The following TRMT11 variants were observed in gnomAD, a reference collection of about 807,000 sequenced individuals.
TRMT11 encodes tRNA methyltransferase 11.
In TRMT11, 53 loss-of-function variants were observed where a neutral mutation model predicts 62.8. The ratio of observed to expected loss-of-function variants is 0.84; its 90% CI spans 0.68 to 1.06. The LOEUF is 1.06. TRMT11 is among the 50% of genes least tolerant of loss of function. The pLI is 0.00. For synonymous variants in TRMT11, 188 were observed against 190.3 expected (o/e 0.99, Z 0.10); for missense variants, 556 against 553.4 (o/e 1.00, Z -0.05).
chr6:126,252,096 C>T, the TRMT11 span, among the ~76,000 whole-genome samples: 1 of 152,232 alleles, frequency 6.6e-6, no homozygotes, highest in African/African-American at 2.4e-5. Flanking sequence ...TTAATATGCT[C>T]ACAGATTCTG....
At chr6:126,167,284 A>G (rs1372148623) in intron 21 of TRMT11, among the ~76,000 whole-genome samples, 5 of 152,054 alleles carry the variant, frequency 3.3e-5, no homozygotes, top group Non-Finnish European at 7.4e-5. Flanking sequence ...GGTTGCGAAA[A>G]CCATGGGAAA....
chr6:126,166,634 G>A (rs1456716408), intron 21 of TRMT11, among the ~76,000 whole-genome samples: 1 of 152,222 alleles, frequency 6.6e-6, no homozygotes, highest in African/African-American at 2.4e-5. Flanking sequence ...CAGAGCTCGA[G>A]CGCTATGCTG....
chr6:126,094,167 A>AG lies in TRMT11; in HGVS notation c.*1438-18699_*1438-18698insG, dbSNP rs576069346. 1.4e-4 allele frequency among the ~76,000 whole-genome samples: 21 copies of AG among 152,100 alleles called. No individual in the cohort carries two copies. The South Asian group carries it at 4.2e-3, about 30-fold the overall frequency. On this transcript the variant is annotated intron_variant and NMD_transcript_variant, in intron 17 of 22. Transcript: ENST00000648977. ...TGTTGGCTCTGACTCCTCTTTTTTG[A>AG]TGAAATGACTGGGGTGTATTCTCCT...
Position 126,075,908 on chromosome 6 carries a change from CAT to C in TRMT11, c.*1437+22719_*1437+22720del, listed in dbSNP as rs1379021810. Among the ~76,000 whole-genome samples, 3 of 152,174 alleles carry C rather than the reference CAT, an allele frequency of 2.0e-5. No individual in the cohort carries two copies. In the East Asian group the frequency reaches 5.8e-4, roughly 29 times the overall value. On this transcript the variant is annotated intron_variant and NMD_transcript_variant, in intron 17 of 22. Transcript: ENST00000648977. ...TTTAACTGCCTTAGCCCAGAAGTGA[CAT>C]GTGTCACTGTGGTTCAGCATATTTG...
the TRMT11 span, among the ~76,000 whole-genome samples, chr6:126,271,978 T>G: frequency 4.7e-4 from 72 of 152,332 alleles, no homozygotes; most frequent in African/African-American, 1.6e-3. Context: ...CATACCCACA[T>G]TGATATGGGT....
chr6:125,996,117 T>C, intron 3 of TRMT11, 77 bp downstream of exon 3: 2 of 1,031,820 alleles, frequency 1.9e-6, no homozygotes, highest in South Asian at 1.4e-5. Context: ...TTTGCTATAT[T>C]GGGCAGTGTG....
chr6:126,111,461 A>G (rs1025710326), intron 17 of TRMT11, among the ~76,000 whole-genome samples: 14 of 152,080 alleles, frequency 9.2e-5, no homozygotes, highest in Admixed American at 2.0e-4. Context: ...CTTAATAACA[A>G]AAGTAAACAG....
At chr6:126,251,631 T>A in the TRMT11 span, among the ~76,000 whole-genome samples, 4 of 152,168 alleles carry the variant, frequency 2.6e-5, no homozygotes, top group African/African-American at 4.8e-5. Flanking sequence ...AATCCACCTC[T>A]CTGTCCCCAG....
At position 126,011,060 on chromosome 6, in the gene TRMT11, A is replaced by G. The variant is rs146561572; in HGVS notation, c.761-193A>G. 4.0e-3 allele frequency among the ~76,000 whole-genome samples: 608 copies of G among 152,320 alleles called. 4 individuals carry two copies. Among genetic ancestry groups the G allele is most frequent in the Non-Finnish European group, 6.6e-3 (447 of 67,998 alleles). ...AAGTTGACAGAACAAGATAAGTTAG[A>G]CATCAGTACATTTTACTGTTATGTT... is the stretch of plus-strand genomic sequence containing the variant. On this transcript the variant is annotated intron_variant, in intron 8 of 12. Coordinates refer to ENST00000334379, the MANE Select transcript of TRMT11 (RefSeq NM_001031712.3).
At chr6:125,997,358 G>C (rs901899621) in intron 3 of TRMT11, among the ~76,000 whole-genome samples, 5 of 152,230 alleles carry the variant, frequency 3.3e-5, no homozygotes, top group African/African-American at 1.2e-4. Flanking sequence ...TTCTGTGTTA[G>C]AAGGGATTGA....
At chr6:126,031,936 G>A (rs1355974036) in intron 12 of TRMT11, among the ~76,000 whole-genome samples, 1 of 152,260 alleles carries the variant, frequency 6.6e-6, no homozygotes, top group African/African-American at 2.4e-5. Context: ...AACCAAGGAA[G>A]CTAGAATAGA....
At chr6:126,047,646 T>C (rs1776096794) in intron 16 of TRMT11, among the ~76,000 whole-genome samples, 2 of 152,120 alleles carry the variant, frequency 1.3e-5, no homozygotes, top group African/African-American at 4.8e-5. Flanking sequence ...CACTTAGCTG[T>C]CCACAGACGG....
chr6:126,060,036 G>C (rs966538099), intron 17 of TRMT11, among the ~76,000 whole-genome samples: 2 of 152,226 alleles, frequency 1.3e-5, no homozygotes, highest in African/African-American at 4.8e-5. Flanking sequence ...TGTTTCTGCA[G>C]ACCATGATGT....
chr6:126,105,163 T>C (rs1777450125), intron 17 of TRMT11, among the ~76,000 whole-genome samples: 2 of 152,186 alleles, frequency 1.3e-5, no homozygotes, highest in African/African-American at 2.4e-5. Flanking sequence ...ACATTATAAA[T>C]TTTATACAAT....
chr6:126,220,577 T>C, the TRMT11 span, among the ~76,000 whole-genome samples: 1 of 152,180 alleles, frequency 6.6e-6, no homozygotes, highest in East Asian at 1.9e-4. Flanking sequence ...AAGACATTTC[T>C]TTAGGAAGTT....
chr6:126,217,963 A>C, the TRMT11 span, among the ~76,000 whole-genome samples: 1 of 152,106 alleles, frequency 6.6e-6, no homozygotes, highest in Non-Finnish European at 1.5e-5. Context: ...TGAAGCCACA[A>C]GACAATGTCC....
At chr6:126,083,317 C>T (rs1186422741) in intron 17 of TRMT11, among the ~76,000 whole-genome samples, 1 of 152,110 alleles carries the variant, frequency 6.6e-6, no homozygotes, top group Non-Finnish European at 1.5e-5. Flanking sequence ...TCCCTGACCC[C>T]AATGTACCTA....
chr6:126,030,234 A>G lies in TRMT11; in HGVS notation c.1261-8471A>G, dbSNP rs140563414. Among the ~76,000 whole-genome samples the G allele has an allele frequency of 4.3e-3, 659 of 152,278 alleles. 3 individuals are homozygous for G. Among genetic ancestry groups the G allele is most frequent in the South Asian group, 0.017 (82 of 4,822 alleles). On this transcript the variant is annotated intron_variant, in intron 12 of 12. Transcript: ENST00000334379. ...TATAACTTTAGCACAAGTGGTTTCT[A>G]TAGCTACTGTCCAGTACCAGATGTA...
At chr6:126,149,859 T>G (rs1778017570) in intron 21 of TRMT11, among the ~76,000 whole-genome samples, 1 of 152,214 alleles carries the variant, frequency 6.6e-6, no homozygotes, top group African/African-American at 2.4e-5. Flanking sequence ...TGAATGTCTC[T>G]CTTGACCTTT....
Sources: allele counts gnomAD v4.1 joint callset (sites outside exome capture counted in the v4.1 genomes callset), GRCh38; gene constraint gnomAD v4.1.1; transcripts MANE v1.5; gene names NCBI Gene and HGNC (gene_info 2026-07-23, HGNC 2026-07-21).